The following THSD7B variants were observed in gnomAD, a reference collection of about 807,000 sequenced individuals.
The protein encoded by THSD7B is thrombospondin type-1 domain-containing protein 7B.
Under a neutral mutation model 213.6 loss-of-function variants are expected in THSD7B, and 138 were observed. The observed-to-expected ratio is 0.65, with a 90% CI of 0.56 to 0.74. THSD7B has a LOEUF of 0.74. Among genes scored for constraint, THSD7B ranks in the 30% least tolerant of loss-of-function variants. The pLI is 0.00. For missense variants in THSD7B, 1,931 were observed against 1,991.5 expected (o/e 0.97, Z 0.58); for synonymous variants, 742 against 687.0 (o/e 1.08, Z -1.25).
At chr2:137,144,570 C>T (rs1163317592) in intron 5 of THSD7B, among the ~76,000 whole-genome samples, 2 of 151,804 alleles carry the variant, frequency 1.3e-5, no homozygotes, top group African/African-American at 2.4e-5. Context: ...TCTACAGAGG[C>T]CTTTCATTGT....
At chr2:137,621,259 G>C (rs1000245503) in intron 20 of THSD7B, among the ~76,000 whole-genome samples, 1 of 152,126 alleles carries the variant, frequency 6.6e-6, no homozygotes, top group East Asian at 1.9e-4. Context: ...GAACTGGGTT[G>C]GAAGCAGCAT....
At chr2:137,239,030 T>A (rs1354142870) in intron 9 of THSD7B, among the ~76,000 whole-genome samples, 1 of 152,210 alleles carries the variant, frequency 6.6e-6, no homozygotes, top group African/African-American at 2.4e-5. Context: ...ATCAAAGCGT[T>A]ACGTGTTTTA....
At chr2:137,266,332 G>A (rs898148184) in intron 10 of THSD7B, among the ~76,000 whole-genome samples, 7 of 152,158 alleles carry the variant, frequency 4.6e-5, no homozygotes, top group African/African-American at 1.7e-4. Context: ...ACAGGTGTTA[G>A]GGTTGCAACT....
intron 1 of THSD7B, among the ~76,000 whole-genome samples, chr2:136,794,436 T>C (rs1477972099): frequency 6.6e-6 from 1 of 151,862 alleles, no homozygotes; most frequent in Non-Finnish European, 1.5e-5. Flanking sequence ...TTTTGTAATT[T>C]CATTTTTTTT....
chr2:137,402,612 T>A (rs1480155228), intron 12 of THSD7B, among the ~76,000 whole-genome samples: 1 of 151,876 alleles, frequency 6.6e-6, no homozygotes. Flanking sequence ...AGGTCAAGTG[T>A]TTGAGACCAG....
At chr2:137,394,722 G>T (rs1203324909) in intron 12 of THSD7B, among the ~76,000 whole-genome samples, 2 of 138,262 alleles carry the variant, frequency 1.4e-5, no homozygotes, top group Non-Finnish European at 3.2e-5. Flanking sequence ...GCTTGATGGG[G>T]ATGGCATTGA....
At chr2:137,465,363 A>G (rs933558498) in intron 15 of THSD7B, among the ~76,000 whole-genome samples, 7 of 152,152 alleles carry the variant, frequency 4.6e-5, no homozygotes, top group African/African-American at 1.7e-4. Flanking sequence ...CTAATCTACT[A>G]GTTGCCAAAC....
chr2:137,355,271 G>C (rs1685102328), intron 12 of THSD7B, among the ~76,000 whole-genome samples: 1 of 152,092 alleles, frequency 6.6e-6, no homozygotes, highest in South Asian at 2.1e-4. Flanking sequence ...CCTGAAATGT[G>C]AATGGCCATT....
In THSD7B at chr2:136,777,352, C is replaced by G. The variant is rs143798808; in HGVS notation, c.-36+11665C>G. 2.2e-4 allele frequency among the ~76,000 whole-genome samples: 33 copies of G among 152,292 alleles called. No homozygotes were observed. The East Asian group carries it at 6.2e-3, about 29-fold the overall frequency. The stretch of plus-strand genomic sequence containing the variant: ...CCTGTTTCCAGTTACTGCCTCATCT[C>G]TTGCCCTCCTTTCAAATTCTAGCTT... On this transcript the variant is annotated intron_variant, in intron 1 of 27. Coordinates refer to ENST00000409968, the MANE Select transcript of THSD7B (RefSeq NM_001316349.2).
intron 7 of THSD7B, among the ~76,000 whole-genome samples, chr2:137,217,823 A>G (rs1056833545): frequency 6.6e-6 from 1 of 152,110 alleles, no homozygotes; most frequent in East Asian, 1.9e-4. Context: ...CATAAGATAC[A>G]TCATTTTCTT....
At chr2:136,867,276 C>T (rs1683348915) in intron 1 of THSD7B, among the ~76,000 whole-genome samples, 1 of 152,176 alleles carries the variant, frequency 6.6e-6, no homozygotes, top group South Asian at 2.1e-4. Context: ...CCCTAACGGA[C>T]CACCATTAAT....
intron 15 of THSD7B, among the ~76,000 whole-genome samples, chr2:137,472,599 C>T (rs1038115175): frequency 2.0e-5 from 3 of 152,154 alleles, no homozygotes; most frequent in Non-Finnish European, 4.4e-5. Flanking sequence ...CAGTCTTTTA[C>T]AACGGGTTGT....
chr2:137,104,690 A>G (rs376604651), intron 4 of THSD7B, among the ~76,000 whole-genome samples: 151 of 152,276 alleles, frequency 9.9e-4, no homozygotes, highest in African/African-American at 3.5e-3. Flanking sequence ...AAGAGAGAAG[A>G]ATCAAATAGA....
intron 2 of THSD7B, among the ~76,000 whole-genome samples, chr2:136,932,438 C>A (rs534726007): frequency 6.6e-6 from 1 of 152,256 alleles, no homozygotes; most frequent in African/African-American, 2.4e-5. Flanking sequence ...CCTGCGAAGT[C>A]AAAAATCTGC....
At chr2:136,817,701 A>G (rs1222458219) in intron 1 of THSD7B, among the ~76,000 whole-genome samples, 2 of 151,998 alleles carry the variant, frequency 1.3e-5, no homozygotes, top group African/African-American at 4.8e-5. Context: ...AATTTACAAG[A>G]AAAAAACAAA....
chr2:136,995,897 G>A (rs1221599011), intron 2 of THSD7B, among the ~76,000 whole-genome samples: 1 of 152,148 alleles, frequency 6.6e-6, no homozygotes, highest in African/African-American at 2.4e-5. Context: ...TGAGGACAGG[G>A]TACATGTCAT....
chr2:137,483,265 T>C (rs1688348201), intron 15 of THSD7B, among the ~76,000 whole-genome samples: 1 of 152,246 alleles, frequency 6.6e-6, no homozygotes, highest in Non-Finnish European at 1.5e-5. Context: ...GGTACTACTA[T>C]CATGCCTTTT....
At chr2:137,368,643 C>A (rs1034324023) in intron 12 of THSD7B, among the ~76,000 whole-genome samples, 1 of 151,998 alleles carries the variant, frequency 6.6e-6, no homozygotes, top group African/African-American at 2.4e-5. Flanking sequence ...GATTATACAA[C>A]CAAGAGAATT....
At chr2:137,353,181 G>A (rs1009283335) in intron 12 of THSD7B, among the ~76,000 whole-genome samples, 1 of 152,032 alleles carries the variant, frequency 6.6e-6, no homozygotes, top group Non-Finnish European at 1.5e-5. Flanking sequence ...AAAAATGTCA[G>A]CAGTAAGTGG....
Sources: gnomAD v4.1 joint callset for allele counts (sites outside exome capture counted in the v4.1 genomes callset) on GRCh38, gnomAD v4.1.1 for gene constraint, MANE v1.5 for transcripts, NCBI Gene and HGNC (gene_info 2026-07-23, HGNC 2026-07-21) for gene names.